The following IMMP2L variants were observed in gnomAD, a reference collection of about 807,000 sequenced individuals.
IMMP2L encodes mitochondrial inner membrane protease subunit 2.
IMMP2L carries 18 observed loss-of-function variants against 19.3 expected under a neutral mutation model. The observed-to-expected ratio is 0.93, with a 90% CI of 0.64 to 1.38. The LOEUF (loss-of-function observed/expected upper bound fraction) is 1.38, where lower values mean the gene tolerates loss of function less well. Ranked by LOEUF, IMMP2L falls within the 40% of genes most tolerant of loss-of-function variation. The pLI is 0.00. For synonymous variants in IMMP2L, 76 were observed against 73.0 expected, an observed-to-expected ratio of 1.04 and a Z score of -0.21; for missense variants, 233 against 218.2, an observed-to-expected ratio of 1.07 and a Z score of -0.43.
At chr7:110,776,157 T>G (rs748498749) in intron 5 of IMMP2L, among the ~76,000 whole-genome samples, 40 of 151,946 alleles carry the variant, frequency 2.6e-4, no homozygotes, top group Non-Finnish European at 5.2e-4. Flanking sequence ...AACACCAAAG[T>G]CATTAGTAAT....
intron 2 of IMMP2L, among the ~76,000 whole-genome samples, chr7:111,512,362 G>C (rs1042129508): frequency 4.6e-5 from 7 of 152,102 alleles, no homozygotes; most frequent in African/African-American, 1.7e-4. Flanking sequence ...TAAGGAAAGA[G>C]ATGGGAGTGA....
At chr7:111,310,945 G>A (rs1421644316) in intron 3 of IMMP2L, among the ~76,000 whole-genome samples, 2 of 152,094 alleles carry the variant, frequency 1.3e-5, no homozygotes, top group East Asian at 3.9e-4. Context: ...CTTTGCGCAA[G>A]GCAAGTAGGT....
chr7:110,840,177 T>A (rs868267309), intron 5 of IMMP2L, among the ~76,000 whole-genome samples: 1 of 152,164 alleles, frequency 6.6e-6, no homozygotes, highest in Non-Finnish European at 1.5e-5. Context: ...TCTTTGTAGG[T>A]CCTGGTAGTA....
At chr7:110,817,916 A>G (rs553569305) in intron 5 of IMMP2L, among the ~76,000 whole-genome samples, 100 of 152,292 alleles carry the variant, frequency 6.6e-4, no homozygotes, top group Admixed American at 1.2e-3. Flanking sequence ...CTGTATGTAG[A>G]AAGCTGAAAC....
At chr7:110,973,274 T>G (rs1057145006) in intron 3 of IMMP2L, among the ~76,000 whole-genome samples, 3 of 152,136 alleles carry the variant, frequency 2.0e-5, no homozygotes, top group Non-Finnish European at 4.4e-5. Flanking sequence ...TCATCACATT[T>G]TATACTGTAA....
intron 3 of IMMP2L, among the ~76,000 whole-genome samples, chr7:111,112,703 C>T (rs1586352145): frequency 6.6e-6 from 1 of 152,274 alleles, no homozygotes; most frequent in East Asian, 1.9e-4. Context: ...GGAAATCTGA[C>T]ACACTTTTGA....
intron 3 of IMMP2L, among the ~76,000 whole-genome samples, chr7:111,087,464 A>G (rs1323925715): frequency 6.6e-6 from 1 of 151,916 alleles, no homozygotes; most frequent in Non-Finnish European, 1.5e-5. Flanking sequence ...AAGAAAAAAA[A>G]AAAAAAACAA....
At chr7:111,539,347 TA>T (rs370670412) in intron 1 of IMMP2L, among the ~76,000 whole-genome samples, 11 of 152,286 alleles carry the variant, frequency 7.2e-5, no homozygotes, top group African/African-American at 2.6e-4. Context: ...TTTTCTTCAA[TA>T]AATCATAACA....
chr7:111,473,904 G>A, intron 3 of IMMP2L, among the ~76,000 whole-genome samples: 1 of 152,110 alleles, frequency 6.6e-6, no homozygotes, highest in Non-Finnish European at 1.5e-5. Flanking sequence ...CAATGGCTAA[G>A]ACATGGAATC....
At chr7:111,480,135 G>A (rs1294875383) in intron 3 of IMMP2L, among the ~76,000 whole-genome samples, 1 of 150,214 alleles carries the variant, frequency 6.7e-6, no homozygotes, top group Non-Finnish European at 1.5e-5. Context: ...CCAGGCTGGA[G>A]TGCAGTGGCG....
At chr7:110,746,942 C>A (rs971886530) in intron 5 of IMMP2L, among the ~76,000 whole-genome samples, 3 of 151,866 alleles carry the variant, frequency 2.0e-5, no homozygotes, top group Non-Finnish European at 4.4e-5. Context: ...AAAAACCCTT[C>A]AAAAAAATCA....
At chr7:110,812,037 C>T (rs1802076568) in intron 5 of IMMP2L, among the ~76,000 whole-genome samples, 1 of 151,994 alleles carries the variant, frequency 6.6e-6, no homozygotes, top group Non-Finnish European at 1.5e-5. Context: ...CTCGTCCAAC[C>T]TTATTTCTCT....
At chr7:110,818,049 A>C (rs374074069) in intron 5 of IMMP2L, among the ~76,000 whole-genome samples, 13,512 of 152,064 alleles carry the variant, frequency 0.089, 884 homozygotes, top group African/African-American at 0.19. Context: ...GGACATAGGC[A>C]TGGGCAAGGA....
In IMMP2L at chr7:111,467,134, C is replaced by T. The variant is rs530313402; in HGVS notation, c.239+20104G>A. ...ACCCAAGTGGTCAAAAGCACAGCCC[C>T]TGAGGCGAGAAGGCCCTGGTGTAAA... On this transcript the variant is annotated intron_variant, in intron 3 of 5. Coordinates refer to ENST00000405709, the MANE Select transcript of IMMP2L (RefSeq NM_032549.4). 1.1e-4 allele frequency among the ~76,000 whole-genome samples: 16 copies of T among 152,240 alleles called. No individual in the cohort carries two copies. In the South Asian group the frequency reaches 3.3e-3, roughly 32 times the overall value.
At chr7:110,957,312 G>A (rs891996862) in intron 4 of IMMP2L, among the ~76,000 whole-genome samples, 2 of 151,818 alleles carry the variant, frequency 1.3e-5, no homozygotes, top group Non-Finnish European at 1.5e-5. Context: ...ATAACGTAAC[G>A]TAATACAAAT....
chr7:111,445,498 TAAAG>T (rs1185329921), intron 3 of IMMP2L, among the ~76,000 whole-genome samples: 1 of 151,984 alleles, frequency 6.6e-6, no homozygotes, highest in African/African-American at 2.4e-5. Flanking sequence ...TGATGAATAA[TAAAG>T]AAGTATAAAT....
At chr7:110,785,062 T>C (rs1000214313) in intron 5 of IMMP2L, among the ~76,000 whole-genome samples, 6 of 151,984 alleles carry the variant, frequency 3.9e-5, no homozygotes, top group Non-Finnish European at 8.8e-5. Flanking sequence ...TATCATGACA[T>C]TCTTTTTAGA....
intron 3 of IMMP2L, among the ~76,000 whole-genome samples, chr7:111,391,087 C>A (rs1832310102): frequency 6.6e-6 from 1 of 152,088 alleles, no homozygotes; most frequent in East Asian, 1.9e-4. Flanking sequence ...CTGATATATC[C>A]TGTTATTTTC....
At chr7:110,992,629 TATAAG>T (rs1822599258) in intron 3 of IMMP2L, among the ~76,000 whole-genome samples, 1 of 151,720 alleles carries the variant, frequency 6.6e-6, no homozygotes, top group African/African-American at 2.4e-5. Flanking sequence ...TTTATATAAA[TATAAG>T]ATATTTATAT....
Sources: allele counts gnomAD v4.1 joint callset (sites outside exome capture counted in the v4.1 genomes callset), GRCh38; gene constraint gnomAD v4.1.1; transcripts MANE v1.5; gene names NCBI Gene and HGNC (gene_info 2026-07-23, HGNC 2026-07-21).